RBM44: variants seen among roughly 807,000 people sequenced by gnomAD.
RBM44 encodes RNA binding motif protein 44, also known as RNA-binding protein 44.
In RBM44, 66 loss-of-function variants were observed where a neutral mutation model predicts 105.1. The ratio of observed to expected loss-of-function variants is 0.63; its 90% CI spans 0.52 to 0.77. The LOEUF (loss-of-function observed/expected upper bound fraction) is 0.77, where lower values mean the gene tolerates loss of function less well. Ranked by LOEUF, RBM44 falls within the 30% of genes least tolerant of loss-of-function variation. The probability of loss-of-function intolerance (pLI) is 0.00; values close to 1 mark genes in which losing one functional copy is unlikely to be tolerated. For missense variants in RBM44, 1,122 were observed against 1,207.8 expected (o/e 0.93, Z 1.05); for synonymous variants, 365 against 417.6 (o/e 0.87, Z 1.54).
At chr2:237,828,357 A>G (rs985745413) in intron 12 of RBM44, among the ~76,000 whole-genome samples, 2 of 152,120 alleles carry the variant, frequency 1.3e-5, no homozygotes, top group Non-Finnish European at 1.5e-5. Context: ...TTGTAAGATA[A>G]TTGTTCAGCT....
chr2:237,835,914 G>A (rs1238967047), intron 15 of RBM44, among the ~76,000 whole-genome samples: 1 of 151,978 alleles, frequency 6.6e-6, no homozygotes, highest in Non-Finnish European at 1.5e-5. Flanking sequence ...CTAAGAAGTC[G>A]TCTTTCTAAC....
At position 237,820,231 on chromosome 2, in the gene RBM44, A is replaced by G; in HGVS notation, c.1793A>G (p.Lys598Arg). The G allele has an allele frequency of 6.3e-7, 1 of 1,588,064 alleles. No homozygotes were observed. The highest frequency in any genetic ancestry group is 8.6e-7 in the Non-Finnish European group (1 of 1,165,774). The change falls in exon 5 of 16, where the codon AAG becomes AGG. Residue 598 changes from lysine (K) to arginine (R), a missense_variant. Lys to Arg is a conservative substitution (Grantham distance 26). Transcript: ENST00000316997. The stretch of plus-strand genomic sequence containing the variant: ...GATTTGCCATCAATGTGCTGTCAGA[A>G]GATAATGCAGAGAGCCATAAAAGCA... Reference protein sequence around the residue: ...EKDLPSMCCQKIMQRAIKAEL... With the variant: ...EKDLPSMCCQRIMQRAIKAEL...
intron 12 of RBM44, among the ~76,000 whole-genome samples, chr2:237,828,022 GA>G (rs1370126862): frequency 1.3e-5 from 2 of 152,118 alleles, no homozygotes; most frequent in African/African-American, 4.8e-5. Context: ...TAGGTGCTCA[GA>G]AAATTGTATT....
In RBM44 at chr2:237,818,656, T is replaced by C; in HGVS notation, c.1677+60T>C. Reference sequence around the variant, plus strand: ...TTTATAAAGAGACAGTGTATGCTAATGTAAGTGTTTTTGGTTCGTTGAATT... The same window carrying C: ...TTTATAAAGAGACAGTGTATGCTAACGTAAGTGTTTTTGGTTCGTTGAATT... On this transcript the variant is annotated intron_variant, in intron 3 of 15. Coordinates refer to ENST00000316997, the MANE Select transcript of RBM44 (RefSeq NM_001080504.3). This position sits in a 1 kb window ranked among gnomAD's most constrained non-coding sequence, Gnocchi z 4.6. 8.3e-7 allele frequency: 1 copy of C among 1,204,928 alleles called. No individual in the cohort carries two copies. The highest frequency in any genetic ancestry group is 1.1e-6 in the Non-Finnish European group (1 of 887,800). The allele number at this position is 1,204,928 out of a possible 1,614,324, so 74.6% of individuals were successfully genotyped here. A position where few individuals can be genotyped will look rare whatever the true frequency, so the allele number is the denominator to read the frequency against.
At chr2:237,814,010 A>G (rs2061686269) in intron 2 of RBM44, among the ~76,000 whole-genome samples, 1 of 152,152 alleles carries the variant, frequency 6.6e-6, no homozygotes, top group South Asian at 2.1e-4. Context: ...CCCAAGTTGT[A>G]TATGTTTTCT....
In RBM44 at chr2:237,819,047, G is replaced by A. The variant is rs1366751477; in HGVS notation, c.1736+88G>A. 1.2e-5 allele frequency: 7 copies of A among 564,116 alleles called. No homozygotes were observed. The South Asian group carries it at 2.2e-4, about 17-fold the overall frequency. 34.9% of individuals were successfully genotyped at this position (564,116 alleles called of 1,614,324 possible). On this transcript the variant is annotated intron_variant, in intron 4 of 15. Coordinates refer to ENST00000316997, the MANE Select transcript of RBM44 (RefSeq NM_001080504.3). Reference sequence around the variant, plus strand: ...TCTGTATAGCATACTTACCCATATAGAATAATAGCTAAAATGGACTTTAAG... The same window carrying A: ...TCTGTATAGCATACTTACCCATATAAAATAATAGCTAAAATGGACTTTAAG...
chr2:237,821,314 CAA>C (rs1559915515), intron 6 of RBM44, 30 bp from the exon 7 acceptor site: 1 of 1,559,632 alleles, frequency 6.4e-7, no homozygotes, highest in Admixed American at 1.9e-5. Flanking sequence ...ACATTTTAAA[CAA>C]AGATTTTTTT....
In RBM44 at chr2:237,834,582, T is replaced by C. The variant is rs564678234; in HGVS notation, c.*22+159T>C. On this transcript the variant is annotated intron_variant, in intron 15 of 15. Transcript: ENST00000316997. Reference sequence around the variant, plus strand: ...AACAAGCATACTGTAATTAGTTAACTACTAAGGCAAAACTAATTACCCTAA... The same window carrying C: ...AACAAGCATACTGTAATTAGTTAACCACTAAGGCAAAACTAATTACCCTAA... 3.0e-5 allele frequency: 10 copies of C among 337,868 alleles called. No individual in the cohort carries two copies. The South Asian group carries it at 3.9e-4, about 13-fold the overall frequency. The allele number at this position is 337,868 out of a possible 1,614,324, so 20.9% of individuals were successfully genotyped here.
intron 1 of RBM44, among the ~76,000 whole-genome samples, chr2:237,808,514 C>G (rs1480071579): frequency 6.7e-6 from 1 of 149,700 alleles, no homozygotes; most frequent in East Asian, 2.0e-4. Flanking sequence ...AATTCTAGAA[C>G]TAAAAATTTC....
Position 237,817,152 on chromosome 2 carries a change from A to C in RBM44, c.233A>C (p.Glu78Ala). ...ISNIDKMDLL[E>A]PFFSVSQDTN... The stretch of plus-strand genomic sequence containing the variant: ...AATATTGACAAAATGGATTTATTAG[A>C]GCCATTTTTTTCAGTGAGTCAAGAT... Residue 78 changes from glutamate to alanine, a missense_variant, in exon 3 of 16, where the codon GAG (glutamate) becomes GCG (alanine). Physicochemically the swap from Glu to Ala is moderately radical, Grantham distance 107 (BLOSUM62 -1). Coordinates refer to ENST00000316997, the MANE Select transcript of RBM44 (RefSeq NM_001080504.3). The C allele has an allele frequency of 6.2e-7, 1 of 1,607,646 alleles. No homozygotes were observed. Among genetic ancestry groups the C allele is most frequent in the South Asian group, 1.1e-5 (1 of 90,290 alleles).
chr2:237,826,639 A>C (rs1318304483), intron 10 of RBM44, among the ~76,000 whole-genome samples: 1 of 152,192 alleles, frequency 6.6e-6, no homozygotes. Flanking sequence ...TAGGGAGTTA[A>C]GATCCTGTGT....
At chr2:237,829,651 C>A in intron 13 of RBM44, 149 bp downstream of exon 13, 1 of 723,058 alleles carries the variant, frequency 1.4e-6, no homozygotes, top group Non-Finnish European at 2.2e-6. Flanking sequence ...CCACCTCAAC[C>A]TGCTTTTGTA....
chr2:237,822,533 A>G (rs2061804137), intron 8 of RBM44, among the ~76,000 whole-genome samples: 1 of 152,124 alleles, frequency 6.6e-6, no homozygotes, highest in Admixed American at 6.6e-5. Context: ...TAATCCCCCA[A>G]GATGAATTCC....
chr2:237,822,143 T>C (rs1294081945), intron 8 of RBM44, among the ~76,000 whole-genome samples: 1 of 151,986 alleles, frequency 6.6e-6, no homozygotes, highest in South Asian at 2.1e-4. Flanking sequence ...CAAACAATAA[T>C]TTAGTGCCAT....
Position 237,804,884 on chromosome 2 carries a change from A to G in RBM44, c.-19+6023A>G, listed in dbSNP as rs142114897. Among the ~76,000 whole-genome samples, 14 of 152,320 alleles carry G rather than the reference A, an allele frequency of 9.2e-5. No individual in the cohort carries two copies. In the East Asian group the frequency reaches 1.9e-3, roughly 21 times the overall value. ...CTTTGCCAAGGCAAACCAACAGCCA[A>G]CATTATACTGAATGGGCAGAAGCTC... is the stretch of plus-strand genomic sequence containing the variant. On this transcript the variant is annotated intron_variant, in intron 1 of 15. Coordinates refer to ENST00000316997, the MANE Select transcript of RBM44 (RefSeq NM_001080504.3).
At chr2:237,836,906 C>T (rs2061965609) in intron 15 of RBM44, among the ~76,000 whole-genome samples, 2 of 151,958 alleles carry the variant, frequency 1.3e-5, no homozygotes, top group Non-Finnish European at 2.9e-5. Flanking sequence ...CTAGGGATTA[C>T]AGGCATGAGC....
At chr2:237,834,893 A>T (rs2061942588) in intron 15 of RBM44, 1 of 152,718 alleles carries the variant, frequency 6.5e-6, no homozygotes, top group Non-Finnish European at 1.5e-5. Context: ...AGCAAGAGAG[A>T]GAGAGAGCAA....
intron 2 of RBM44, among the ~76,000 whole-genome samples, chr2:237,814,564 T>G (rs2061693773): frequency 6.6e-6 from 1 of 151,984 alleles, no homozygotes; most frequent in African/African-American, 2.4e-5. Context: ...TAAAATAAAT[T>G]TTAAAATACA....
intron 15 of RBM44, among the ~76,000 whole-genome samples, chr2:237,835,865 CCA>C (rs2061953805): frequency 6.6e-6 from 1 of 152,026 alleles, no homozygotes; most frequent in South Asian, 2.1e-4. Context: ...CACCCCACTC[CCA>C]CCCTTTCCCT....
Sources: allele counts gnomAD v4.1 joint callset (sites outside exome capture counted in the v4.1 genomes callset), GRCh38; gene constraint gnomAD v4.1.1; non-coding constraint Gnocchi (gnomAD v3.1); transcripts MANE v1.5; gene names NCBI Gene and HGNC (gene_info 2026-07-23, HGNC 2026-07-21).